CTNNA3: variants seen among roughly 807,000 people sequenced by gnomAD.
The protein encoded by CTNNA3 is catenin alpha-3.
CTNNA3 carries 76 observed loss-of-function variants against 95.7 expected under a neutral mutation model. That is an observed-to-expected ratio of 0.79 (90% CI 0.66 to 0.96). The LOEUF is 0.96. Ranked by LOEUF, CTNNA3 falls within the 40% of genes least tolerant of loss-of-function variation. The pLI is 0.00. For missense variants in CTNNA3, 1,191 were observed against 1,089.8 expected (o/e 1.09, Z -1.31); for synonymous variants, 431 against 374.4 (o/e 1.15, Z -1.74).
intron 5 of CTNNA3, among the ~76,000 whole-genome samples, chr10:67,419,535 A>G (rs890122498): frequency 2.0e-5 from 3 of 152,078 alleles, no homozygotes; most frequent in Non-Finnish European, 4.4e-5. Flanking sequence ...TAATCTATAC[A>G]GTGTTGATTG....
intron 5 of CTNNA3, among the ~76,000 whole-genome samples, chr10:67,326,071 T>C (rs1841526960): frequency 6.6e-6 from 1 of 152,190 alleles, no homozygotes; most frequent in South Asian, 2.1e-4. Flanking sequence ...CTGTTTTCCA[T>C]TTGCTTGGTA....
chr10:66,989,371 A>G (rs936536075), intron 7 of CTNNA3, among the ~76,000 whole-genome samples: 3 of 152,216 alleles, frequency 2.0e-5, no homozygotes, highest in Non-Finnish European at 4.4e-5. Context: ...AAATTTATTG[A>G]AAAATATTGT....
At chr10:67,278,214 C>G (rs1157848610) in intron 5 of CTNNA3, among the ~76,000 whole-genome samples, 1 of 152,054 alleles carries the variant, frequency 6.6e-6, no homozygotes, top group East Asian at 1.9e-4. Flanking sequence ...AAAAGCTTTC[C>G]TTTGATGATG....
At chr10:67,610,619 G>A (rs1279260797) in intron 2 of CTNNA3, among the ~76,000 whole-genome samples, 2 of 152,182 alleles carry the variant, frequency 1.3e-5, no homozygotes, top group African/African-American at 2.4e-5. Flanking sequence ...CGGAGGATAG[G>A]AGGGCGCTAT....
chr10:67,690,380 G>C (rs987654136), intron 1 of CTNNA3, among the ~76,000 whole-genome samples: 7 of 152,224 alleles, frequency 4.6e-5, no homozygotes, highest in Middle Eastern at 3.4e-3. Context: ...GTGTGGAAGG[G>C]GACCCGAGCA....
chr10:66,911,382 T>A (rs1208243815), intron 7 of CTNNA3, among the ~76,000 whole-genome samples: 1 of 152,218 alleles, frequency 6.6e-6, no homozygotes, highest in African/African-American at 2.4e-5. Context: ...ACTATTATAA[T>A]GCAAAGAAAA....
At chr10:66,686,738 G>A (rs1326059750) in intron 9 of CTNNA3, among the ~76,000 whole-genome samples, 1 of 152,214 alleles carries the variant, frequency 6.6e-6, no homozygotes, top group East Asian at 1.9e-4. Flanking sequence ...AATATTTTGA[G>A]TATTAAACCA....
intron 1 of CTNNA3, among the ~76,000 whole-genome samples, chr10:67,665,897 A>G (rs1840321214): frequency 6.6e-6 from 1 of 152,236 alleles, no homozygotes; most frequent in Admixed American, 6.5e-5. Context: ...AAAACACTGT[A>G]AATCCCAAAG....
At chr10:66,935,463 G>T (rs1386598749) in intron 7 of CTNNA3, among the ~76,000 whole-genome samples, 1 of 152,020 alleles carries the variant, frequency 6.6e-6, no homozygotes, top group Non-Finnish European at 1.5e-5. Context: ...AAATTTTAAT[G>T]TGAAAGGTAT....
chr10:67,617,903 G>A (rs1765950354), intron 2 of CTNNA3, among the ~76,000 whole-genome samples: 1 of 151,586 alleles, frequency 6.6e-6, no homozygotes. Flanking sequence ...AAAAATGCCT[G>A]TTTTATACAG....
intron 11 of CTNNA3, among the ~76,000 whole-genome samples, chr10:66,449,092 A>G (rs907048815): frequency 6.6e-6 from 1 of 152,146 alleles, no homozygotes; most frequent in Non-Finnish European, 1.5e-5. Flanking sequence ...ATATAAAAAA[A>G]GCAAATGTAA....
intron 7 of CTNNA3, among the ~76,000 whole-genome samples, chr10:66,829,329 G>C (rs1201311352): frequency 6.6e-6 from 1 of 152,152 alleles, no homozygotes; most frequent in Non-Finnish European, 1.5e-5. Context: ...AGACATTATA[G>C]GCTGGGTGCG....
intron 17 of CTNNA3, among the ~76,000 whole-genome samples, chr10:65,927,081 G>A (rs1197234473): frequency 6.6e-6 from 1 of 151,638 alleles, no homozygotes; most frequent in Non-Finnish European, 1.5e-5. Context: ...TATTCCACTA[G>A]ACAGAAATGC....
chr10:66,025,753 G>T (rs751529243), intron 15 of CTNNA3, among the ~76,000 whole-genome samples: 7 of 152,042 alleles, frequency 4.6e-5, no homozygotes, highest in Admixed American at 1.3e-4. Flanking sequence ...GATATATCAA[G>T]CCCTACTAAA....
chr10:66,547,652 A>G (rs1020229453), intron 10 of CTNNA3, among the ~76,000 whole-genome samples: 5 of 151,550 alleles, frequency 3.3e-5, no homozygotes, highest in African/African-American at 1.2e-4. Context: ...TGATTTTTCT[A>G]TATGAAACTT....
intron 7 of CTNNA3, among the ~76,000 whole-genome samples, chr10:67,086,989 G>T (rs969357438): frequency 2.0e-5 from 3 of 151,944 alleles, no homozygotes; most frequent in Non-Finnish European, 4.4e-5. Flanking sequence ...TTTTCATACT[G>T]ATTAGCAACT....
intron 7 of CTNNA3, among the ~76,000 whole-genome samples, chr10:67,135,510 A>T (rs1434382351): frequency 6.6e-6 from 1 of 152,080 alleles, no homozygotes; most frequent in East Asian, 1.9e-4. Context: ...TAAAAAATTA[A>T]AATAAAATAA....
At chr10:66,404,345 T>A (rs540461186) in intron 11 of CTNNA3, among the ~76,000 whole-genome samples, 2 of 152,262 alleles carry the variant, frequency 1.3e-5, no homozygotes, top group Admixed American at 6.5e-5. Flanking sequence ...CAGCTTCAGG[T>A]CAATTAAACT....
At chr10:66,184,325 C>A (rs941432967) in intron 13 of CTNNA3, among the ~76,000 whole-genome samples, 1 of 151,964 alleles carries the variant, frequency 6.6e-6, no homozygotes, top group East Asian at 1.9e-4. Context: ...AAAATTTTAA[C>A]TTTAATGTAG....
Sources: gnomAD v4.1 joint callset for allele counts (sites outside exome capture counted in the v4.1 genomes callset) on GRCh38, gnomAD v4.1.1 for gene constraint, MANE v1.5 for transcripts, NCBI Gene and HGNC (gene_info 2026-07-23, HGNC 2026-07-21) for gene names.